The following SCMH1 variants were observed in gnomAD, a reference collection of about 807,000 sequenced individuals.
SCMH1 encodes polycomb protein SCMH1.
SCMH1 carries 37 observed loss-of-function variants against 70.8 expected under a neutral mutation model. The observed-to-expected ratio is 0.52, with a 90% CI of 0.40 to 0.69. The LOEUF is 0.69. SCMH1 is among the 30% of genes least tolerant of loss of function. The pLI is 0.00. For missense variants in SCMH1, 607 were observed against 827.3 expected, an observed-to-expected ratio of 0.73 and a Z score of 3.27; for synonymous variants, 292 against 307.4, an observed-to-expected ratio of 0.95 and a Z score of 0.52.
At chr1:41,076,564 G>A (rs150982480) in intron 8 of SCMH1, among the ~76,000 whole-genome samples, 114 of 152,260 alleles carry the variant, frequency 7.5e-4, no homozygotes, top group African/African-American at 2.6e-3. Context: ...TATAATGTCA[G>A]GTAGTGCTAA....
At chr1:41,186,351 T>C (rs1401600828) in intron 1 of SCMH1, 101 bp from the exon 2 acceptor site, 4 of 376,704 alleles carry the variant, frequency 1.1e-5, no homozygotes, top group African/African-American at 2.0e-5. Context: ...ATAAGAAAAG[T>C]AGGAAATTTA....
At chr1:41,200,516 T>TATAATA (rs749044541) in intron 1 of SCMH1, among the ~76,000 whole-genome samples, 31 of 145,914 alleles carry the variant, frequency 2.1e-4, no homozygotes, top group African/African-American at 4.2e-4. Context: ...ATAATAATAA[T>TATAATA]ATAATAATAA....
chr1:41,151,432 T>C (rs1006837917), intron 5 of SCMH1, among the ~76,000 whole-genome samples, 182 bp downstream of exon 5: 1 of 152,216 alleles, frequency 6.6e-6, no homozygotes. Flanking sequence ...GTGGAAAGAA[T>C]GTCTGCTGCC....
At chr1:41,125,826 C>T (rs1039602487) in intron 6 of SCMH1, among the ~76,000 whole-genome samples, 1 of 152,098 alleles carries the variant, frequency 6.6e-6, no homozygotes, top group Admixed American at 6.6e-5. Flanking sequence ...ATCCTCCTGC[C>T]TCAGCTTCCC....
chr1:41,209,775 A>T (rs558312746), intron 1 of SCMH1, among the ~76,000 whole-genome samples: 2 of 152,380 alleles, frequency 1.3e-5, no homozygotes, highest in African/African-American at 4.8e-5. Flanking sequence ...GAATGGGCCA[A>T]CACTGGAAGC....
At chr1:41,180,540 T>G (rs1465194632) in intron 2 of SCMH1, among the ~76,000 whole-genome samples, 1 of 152,168 alleles carries the variant, frequency 6.6e-6, no homozygotes, top group African/African-American at 2.4e-5. Flanking sequence ...AAAAGCATTC[T>G]TATACACCAA....
intron 1 of SCMH1, among the ~76,000 whole-genome samples, chr1:41,235,478 G>A (rs1360228106): frequency 6.7e-6 from 1 of 150,028 alleles, no homozygotes; most frequent in Non-Finnish European, 1.5e-5. Context: ...GGCTGAGGCA[G>A]GAGAATCGCT....
chr1:41,143,323 G>C (rs1644265218), intron 5 of SCMH1, among the ~76,000 whole-genome samples: 1 of 151,990 alleles, frequency 6.6e-6, no homozygotes, highest in South Asian at 2.1e-4. Flanking sequence ...ACCCATACCA[G>C]TTAAAAAAAG....
At chr1:41,061,882 T>G (rs563360143) in intron 10 of SCMH1, among the ~76,000 whole-genome samples, 4 of 152,318 alleles carry the variant, frequency 2.6e-5, no homozygotes, top group Admixed American at 6.5e-5. Flanking sequence ...CATTTTTTTT[T>G]GAGACAGGGT....
At chr1:41,069,281 G>C (rs986641313) in intron 10 of SCMH1, among the ~76,000 whole-genome samples, 1 of 152,130 alleles carries the variant, frequency 6.6e-6, no homozygotes, top group African/African-American at 2.4e-5. Flanking sequence ...AGGAGATTAA[G>C]AAGAGTTAAA....
chr1:41,075,132 G>A (rs1258441315), intron 9 of SCMH1, 87 bp downstream of exon 9: 1 of 1,299,776 alleles, frequency 7.7e-7, no homozygotes, highest in Non-Finnish European at 1.1e-6. Context: ...ATTAAGTGCT[G>A]GGATTACAGG....
In SCMH1 at chr1:41,186,120, C is replaced by G; in HGVS notation, c.13+1G>C. 1 of 1,544,974 alleles carries G rather than the reference C, an allele frequency of 6.5e-7. No homozygotes were observed. Among genetic ancestry groups the G allele is most frequent in the Non-Finnish European group, 8.8e-7 (1 of 1,142,254 alleles). The stretch of plus-strand genomic sequence containing the variant: ...CCACGATAGGGTAAAAAGATACTTA[C>G]CATTAGGCTGCATAGTCAATGGACT... On this transcript the variant is annotated splice_donor_variant, in intron 2 of 14. Transcript: ENST00000337495. LOFTEE classifies it high-confidence loss of function.
chr1:41,219,091 T>C (rs1658702107), intron 1 of SCMH1, among the ~76,000 whole-genome samples: 1 of 152,184 alleles, frequency 6.6e-6, no homozygotes, highest in African/African-American at 2.4e-5. Context: ...ATTATGTCTA[T>C]ATAATGAAAC....
intron 1 of SCMH1, among the ~76,000 whole-genome samples, chr1:41,203,356 TTAAAA>T (rs905376136): frequency 1.3e-5 from 2 of 152,180 alleles, no homozygotes; most frequent in Non-Finnish European, 2.9e-5. Context: ...TTAAATTTAC[TTAAAA>T]TAAAATAAAA....
chr1:41,191,041 A>T (rs1651595308), intron 1 of SCMH1, among the ~76,000 whole-genome samples: 1 of 152,124 alleles, frequency 6.6e-6, no homozygotes, highest in Non-Finnish European at 1.5e-5. Flanking sequence ...CGCCTGGCTA[A>T]CTTTTTTATT....
chr1:41,095,744 C>G (rs555223109), intron 8 of SCMH1, among the ~76,000 whole-genome samples: 1 of 152,236 alleles, frequency 6.6e-6, no homozygotes, highest in South Asian at 2.1e-4. Flanking sequence ...TTCTTTGACA[C>G]CGTCTTGTAT....
chr1:41,119,541 C>T (rs1003616783), intron 6 of SCMH1, among the ~76,000 whole-genome samples: 1 of 151,962 alleles, frequency 6.6e-6, no homozygotes, highest in African/African-American at 2.4e-5. Context: ...TGGGGTAAAA[C>T]ACAATGCTGT....
intron 10 of SCMH1, among the ~76,000 whole-genome samples, chr1:41,065,116 A>G (rs1395030508): frequency 1.3e-5 from 2 of 152,244 alleles, no homozygotes; most frequent in Non-Finnish European, 2.9e-5. Flanking sequence ...TCAGGATGTC[A>G]GTTCTTTCCA....
intron 8 of SCMH1, among the ~76,000 whole-genome samples, chr1:41,084,241 A>G (rs1417859561): frequency 6.6e-6 from 1 of 152,250 alleles, no homozygotes; most frequent in African/African-American, 2.4e-5. Flanking sequence ...ACAAAGGGCT[A>G]ATATTCAGAA....
Sources: gnomAD v4.1 joint callset for allele counts (sites outside exome capture counted in the v4.1 genomes callset) on GRCh38, gnomAD v4.1.1 for gene constraint, MANE v1.5 for transcripts, NCBI Gene and HGNC (gene_info 2026-07-23, HGNC 2026-07-21) for gene names.